The following TYW1 variants were observed in gnomAD, a reference collection of about 807,000 sequenced individuals.
The protein encoded by TYW1 is tRNA-yW synthesizing protein 1 homolog.
In TYW1, 46 loss-of-function variants were observed where a neutral mutation model predicts 96.2. The ratio of observed to expected loss-of-function variants is 0.48; its 90% confidence interval spans 0.38 to 0.61. The LOEUF is 0.61. Among genes scored for constraint, TYW1 ranks in the 20% least tolerant of loss-of-function variants. TYW1 has a pLI of 0.00. For missense variants in TYW1, 684 were observed against 909.6 expected, an observed-to-expected ratio of 0.75 and a Z score of 3.19; for synonymous variants, 274 against 323.0, an observed-to-expected ratio of 0.85 and a Z score of 1.63.
chr7:67,174,240 A>G (rs1239573033), intron 13 of TYW1, among the ~76,000 whole-genome samples: 1 of 152,170 alleles, frequency 6.6e-6, no homozygotes, highest in South Asian at 2.1e-4. Context: ...AGTTTTACTC[A>G]TTTACTGTAG....
intron 13 of TYW1, among the ~76,000 whole-genome samples, chr7:67,133,271 C>G (rs1266836612): frequency 6.6e-6 from 1 of 151,946 alleles, no homozygotes; most frequent in South Asian, 2.1e-4. Context: ...CCACGAAGCT[C>G]GGACTACAGC....
At chr7:67,079,170 A>G (rs6971969) in intron 10 of TYW1, among the ~76,000 whole-genome samples, 445 of 45,374 alleles carry the variant, frequency 9.8e-3, no homozygotes, top group African/African-American at 0.031. Flanking sequence ...TTCGTGTGAG[A>G]GGTGTGTGTG....
intron 13 of TYW1, among the ~76,000 whole-genome samples, chr7:67,159,088 TC>T (rs1388962181): frequency 1.3e-5 from 2 of 152,222 alleles, no homozygotes; most frequent in African/African-American, 2.4e-5. Flanking sequence ...CTCTTGTTTT[TC>T]TACTTTCCTA....
intron 7 of TYW1, among the ~76,000 whole-genome samples, chr7:67,043,320 C>T (rs1226037728): frequency 1.3e-5 from 2 of 148,464 alleles, no homozygotes; most frequent in Non-Finnish European, 3.0e-5. Flanking sequence ...TTTTCTCTTT[C>T]TCTTATGTTG....
chr7:67,109,772 C>T (rs1490865643), intron 12 of TYW1, among the ~76,000 whole-genome samples: 9 of 152,162 alleles, frequency 5.9e-5, no homozygotes, highest in African/African-American at 1.2e-4. Flanking sequence ...CCCAGCTACT[C>T]GAGAGGCTGA....
intron 7 of TYW1, among the ~76,000 whole-genome samples, chr7:67,027,663 G>T (rs1794496420): frequency 6.6e-6 from 1 of 152,134 alleles, no homozygotes; most frequent in Non-Finnish European, 1.5e-5. Flanking sequence ...AGGCGCGGTG[G>T]CTCACACCTG....
At chr7:67,066,241 G>C (rs1795866284) in intron 9 of TYW1, among the ~76,000 whole-genome samples, 1 of 152,144 alleles carries the variant, frequency 6.6e-6, no homozygotes, top group African/African-American at 2.4e-5. Flanking sequence ...GATCTTAGGA[G>C]AAAGTCATCA....
intron 15 of TYW1, among the ~76,000 whole-genome samples, chr7:67,214,821 G>C (rs1030496411): frequency 1.3e-5 from 2 of 148,238 alleles, no homozygotes; most frequent in Admixed American, 6.7e-5. Flanking sequence ...ATTTTTGAAT[G>C]TTGAACCAGT....
Position 67,142,147 on chromosome 7 carries a change from G to C in TYW1, c.1698+24529G>C, listed in dbSNP as rs144748877. ...GACTTGTTCTGTCGCCCAGGCTGGA[G>C]TGCAGTGGCACAATCATGGTTCTCA... On this transcript the variant is annotated intron_variant, in intron 13 of 15. Transcript: ENST00000359626. Among the ~76,000 whole-genome samples, 391 of 152,308 alleles carry C rather than the reference G, an allele frequency of 2.6e-3. 2 individuals carry two copies. The highest frequency in any genetic ancestry group is 9.1e-3 in the African/African-American group (377 of 41,556).
intron 9 of TYW1, among the ~76,000 whole-genome samples, chr7:67,060,471 A>T (rs1795662885): frequency 6.6e-6 from 1 of 152,266 alleles, no homozygotes; most frequent in South Asian, 2.1e-4. Flanking sequence ...GCTTAAAGAA[A>T]ACAAATTGAA....
At chr7:67,013,374 C>T (rs377387413) in intron 4 of TYW1, among the ~76,000 whole-genome samples, 11 of 152,138 alleles carry the variant, frequency 7.2e-5, no homozygotes, top group African/African-American at 2.2e-4. Flanking sequence ...CCACCCGCCT[C>T]AACCTCCCAA....
chr7:67,055,625 A>G (rs1352797499), intron 8 of TYW1, among the ~76,000 whole-genome samples: 1 of 150,286 alleles, frequency 6.7e-6, no homozygotes, highest in East Asian at 1.9e-4. Context: ...TCATTTCTTT[A>G]TGTATTTTGA....
At chr7:67,085,430 C>G (rs186720685) in intron 11 of TYW1, among the ~76,000 whole-genome samples, 110 of 152,288 alleles carry the variant, frequency 7.2e-4, no homozygotes, top group Non-Finnish European at 1.3e-3. Context: ...CTCCTTCCTG[C>G]TGCCTTGTGA....
At chr7:67,067,168 C>T in intron 9 of TYW1, 117 bp from the exon 10 acceptor site, 1 of 1,184,000 alleles carries the variant, frequency 8.4e-7, no homozygotes, top group South Asian at 1.3e-5. Context: ...CATGCAGTTA[C>T]CAGTAGGAGT....
At chr7:67,228,639 C>T (rs1336152544) in intron 15 of TYW1, among the ~76,000 whole-genome samples, 2 of 152,162 alleles carry the variant, frequency 1.3e-5, no homozygotes, top group African/African-American at 4.8e-5. Context: ...TAATAAATAG[C>T]TTGTGGGGTA....
chr7:67,038,976 G>T (rs986405964), intron 7 of TYW1, among the ~76,000 whole-genome samples: 3 of 152,128 alleles, frequency 2.0e-5, no homozygotes. Context: ...TTGAAGATTT[G>T]GGATGCTCAA....
chr7:67,218,927 T>C (rs1373491710), intron 15 of TYW1, among the ~76,000 whole-genome samples: 1 of 152,242 alleles, frequency 6.6e-6, no homozygotes, highest in Non-Finnish European at 1.5e-5. Flanking sequence ...TGATGAGAAC[T>C]TCCATTATTA....
intron 15 of TYW1, among the ~76,000 whole-genome samples, chr7:67,217,320 G>A (rs373500072): frequency 1.3e-5 from 2 of 151,876 alleles, no homozygotes; most frequent in African/African-American, 4.8e-5. Context: ...CTATACCCAC[G>A]AAATCACTGC....
At chr7:67,133,639 A>AT (rs1269050950) in intron 13 of TYW1, among the ~76,000 whole-genome samples, 1 of 135,310 alleles carries the variant, frequency 7.4e-6, no homozygotes, top group Non-Finnish European at 1.6e-5. Flanking sequence ...AGAAAAAAAA[A>AT]AGTTTTGGAA....
Sources: gnomAD v4.1 joint callset for allele counts (sites outside exome capture counted in the v4.1 genomes callset) on GRCh38, gnomAD v4.1.1 for gene constraint, MANE v1.5 for transcripts, NCBI Gene and HGNC (gene_info 2026-07-23, HGNC 2026-07-21) for gene names.